The following RXFP1 variants were observed in gnomAD, a reference collection of about 807,000 sequenced individuals.
RXFP1 encodes the protein relaxin family peptide receptor 1.
Under a neutral mutation model 89.8 loss-of-function variants are expected in RXFP1, and 73 were observed. That is an observed-to-expected ratio of 0.81 (90% CI 0.67 to 0.99). The LOEUF (loss-of-function observed/expected upper bound fraction) is 0.99, where lower values mean the gene tolerates loss of function less well. Ranked by LOEUF, RXFP1 falls within the 50% of genes least tolerant of loss-of-function variation. The pLI is 0.00. For synonymous variants in RXFP1, 277 were observed against 305.5 expected, an observed-to-expected ratio of 0.91 and a Z score of 0.97; for missense variants, 793 against 895.5, an observed-to-expected ratio of 0.89 and a Z score of 1.46.
chr4:158,545,592 GT>G (rs1366810364), intron 1 of RXFP1, among the ~76,000 whole-genome samples: 1 of 152,080 alleles, frequency 6.6e-6, no homozygotes, highest in African/African-American at 2.4e-5. Context: ...GGTCTAACAT[GT>G]AAGTCTTTAA....
chr4:158,638,818 A>AG (rs1362609585), intron 13 of RXFP1, among the ~76,000 whole-genome samples: 2 of 151,640 alleles, frequency 1.3e-5, no homozygotes, highest in Non-Finnish European at 2.9e-5. Context: ...TCTCAAAAAA[A>AG]AAAAAAAAAG....
At chr4:158,627,378 A>G (rs764006227) in intron 10 of RXFP1, among the ~76,000 whole-genome samples, 5 of 152,172 alleles carry the variant, frequency 3.3e-5, no homozygotes, top group African/African-American at 1.2e-4. Context: ...TAAGTAGGTG[A>G]TGAAAGTAAT....
chr4:158,609,305 C>T (rs1439730983), intron 6 of RXFP1, among the ~76,000 whole-genome samples: 4 of 152,156 alleles, frequency 2.6e-5, no homozygotes, highest in Non-Finnish European at 2.9e-5. Flanking sequence ...ACAAGAGTTC[C>T]GATTTCTCCA....
chr4:158,630,826 G>A (rs1385387393), intron 11 of RXFP1, among the ~76,000 whole-genome samples: 4 of 152,202 alleles, frequency 2.6e-5, no homozygotes, highest in African/African-American at 7.2e-5. Context: ...CCTTTTGAGA[G>A]AGGGTTGAAC....
intron 2 of RXFP1, among the ~76,000 whole-genome samples, chr4:158,577,174 G>T (rs1756425871): frequency 6.6e-6 from 1 of 152,016 alleles, no homozygotes; most frequent in East Asian, 1.9e-4. Flanking sequence ...AAGAGCTGGG[G>T]CTACAGGTGT....
rs541966804 is a variant in RXFP1 at position 158,594,843 on chromosome 4, T to C, written c.286+1344T>C. On this transcript the variant is annotated intron_variant, in intron 3 of 17. Coordinates refer to ENST00000307765, the MANE Select transcript of RXFP1 (RefSeq NM_021634.4). ...GTTTTTAATTCATGGTTTATTTTTA[T>C]CCTTTTTTGATTCTGAAGCATGCCA... Among the ~76,000 whole-genome samples, 7 of 152,320 alleles carry C rather than the reference T, an allele frequency of 4.6e-5. No individual in the cohort carries two copies. In the South Asian group the frequency reaches 1.4e-3, roughly 32 times the overall value.
intron 15 of RXFP1, among the ~76,000 whole-genome samples, chr4:158,645,393 G>A (rs962433697): frequency 2.6e-5 from 4 of 152,154 alleles, no homozygotes; most frequent in African/African-American, 9.7e-5. Context: ...CTCTCATACA[G>A]TGGCTCCGAA....
At chr4:158,650,717 G>A (rs1043367486) in intron 17 of RXFP1, among the ~76,000 whole-genome samples, 4 of 152,022 alleles carry the variant, frequency 2.6e-5, no homozygotes, top group Admixed American at 6.5e-5. Context: ...TTCAGTGAGC[G>A]GAGATTGTGC....
intron 17 of RXFP1, 55 bp downstream of exon 17, chr4:158,648,772 C>CT: frequency 2.8e-6 from 3 of 1,089,030 alleles, no homozygotes; most frequent in Middle Eastern, 3.1e-4. Flanking sequence ...TTACAGTGTT[C>CT]TTTTAAGGAA....
chr4:158,528,622 A>C (rs919764158), intron 1 of RXFP1, among the ~76,000 whole-genome samples: 9 of 152,302 alleles, frequency 5.9e-5, no homozygotes, highest in African/African-American at 1.4e-4. Context: ...TCATCTCTAA[A>C]GATGCAGCCC....
At chr4:158,621,059 A>C (rs1008495633) in intron 9 of RXFP1, among the ~76,000 whole-genome samples, 3 of 152,094 alleles carry the variant, frequency 2.0e-5, no homozygotes, top group Non-Finnish European at 4.4e-5. Flanking sequence ...AATCACTTGA[A>C]TCCTGGAGGT....
At chr4:158,543,999 A>C in intron 1 of RXFP1, 3 of 985,430 alleles carry the variant, frequency 3.0e-6, no homozygotes, top group Non-Finnish European at 3.6e-6. Flanking sequence ...TTTTGCCCCT[A>C]CCTTGGGCAT....
chr4:158,622,307 T>C (rs1765777038), intron 9 of RXFP1, among the ~76,000 whole-genome samples: 1 of 150,778 alleles, frequency 6.6e-6, no homozygotes, highest in Non-Finnish European at 1.5e-5. Flanking sequence ...CAAGACTCCA[T>C]CTCAAATAAA....
chr4:158,622,048 C>A (rs187964686), intron 9 of RXFP1, among the ~76,000 whole-genome samples: 1 of 152,214 alleles, frequency 6.6e-6, no homozygotes, highest in East Asian at 1.9e-4. Flanking sequence ...CGGTGGCTTA[C>A]GCCTGTAATC....
At chr4:158,566,657 C>G (rs143147292) in intron 1 of RXFP1, among the ~76,000 whole-genome samples, 176 of 152,332 alleles carry the variant, frequency 1.2e-3, no homozygotes, top group African/African-American at 3.9e-3. Flanking sequence ...AGCCACCACA[C>G]CCGGCCCAAA....
chr4:158,590,051 C>CA (rs1200147040), intron 2 of RXFP1, among the ~76,000 whole-genome samples: 1 of 151,536 alleles, frequency 6.6e-6, no homozygotes, highest in Admixed American at 6.6e-5. Context: ...GACCCTGTCT[C>CA]AAAAAAAAAT....
chr4:158,603,763 G>T (rs1423791742), intron 4 of RXFP1, among the ~76,000 whole-genome samples: 2 of 151,728 alleles, frequency 1.3e-5, no homozygotes, highest in Admixed American at 6.6e-5. Context: ...GGTGGCGCAC[G>T]CCTGTAATCC....
intron 9 of RXFP1, among the ~76,000 whole-genome samples, chr4:158,622,049 G>A (rs548169972): frequency 3.0e-4 from 45 of 152,340 alleles, no homozygotes; most frequent in Admixed American, 9.1e-4. Flanking sequence ...GGTGGCTTAC[G>A]CCTGTAATCC....
At chr4:158,544,088 A>T in intron 1 of RXFP1, 1 of 980,780 alleles carries the variant, frequency 1.0e-6, no homozygotes, top group Non-Finnish European at 1.2e-6. Context: ...AAGAACTAAC[A>T]AGAGAACCAT....
Sources: allele counts gnomAD v4.1 joint callset (sites outside exome capture counted in the v4.1 genomes callset), GRCh38; gene constraint gnomAD v4.1.1; transcripts MANE v1.5; gene names NCBI Gene and HGNC (gene_info 2026-07-23, HGNC 2026-07-21).